MIPEP: variants seen among roughly 807,000 people sequenced by gnomAD.
MIPEP encodes mitochondrial intermediate peptidase.
A neutral mutation model predicts 90.3 loss-of-function variants in MIPEP; 79 were observed. The observed-to-expected ratio is 0.87, with a 90% CI of 0.73 to 1.05. MIPEP has a LOEUF of 1.05. Ranked by LOEUF, MIPEP falls within the 50% of genes least tolerant of loss-of-function variation. The pLI is 0.00. For synonymous variants in MIPEP, 334 were observed against 315.8 expected, an observed-to-expected ratio of 1.06 and a Z score of -0.61; for missense variants, 940 against 905.6, an observed-to-expected ratio of 1.04 and a Z score of -0.49.
intron 10 of MIPEP, among the ~76,000 whole-genome samples, chr13:23,856,485 A>G (rs781384428): frequency 5.3e-5 from 8 of 152,118 alleles, no homozygotes; most frequent in Non-Finnish European, 1.0e-4. Flanking sequence ...ATTTATACCC[A>G]CTGTTATTTA....
chr13:23,802,654 T>C (rs1565998859), intron 16 of MIPEP, among the ~76,000 whole-genome samples: 3 of 149,892 alleles, frequency 2.0e-5, no homozygotes, highest in African/African-American at 7.6e-5. Flanking sequence ...TTATGTTTAA[T>C]GGCTTTCCAT....
intron 10 of MIPEP, among the ~76,000 whole-genome samples, chr13:23,856,829 ATCACT>A (rs1170884610): frequency 6.6e-6 from 1 of 152,136 alleles, no homozygotes; most frequent in Non-Finnish European, 1.5e-5. Context: ...TGAAAAAACT[ATCACT>A]TATATTTAAG....
chr13:23,864,679 T>C (rs1711978092), intron 7 of MIPEP, among the ~76,000 whole-genome samples: 1 of 134,232 alleles, frequency 7.4e-6, no homozygotes, highest in African/African-American at 2.8e-5. Context: ...GAGACTATAG[T>C]GAGCCCAGAC....
intron 16 of MIPEP, among the ~76,000 whole-genome samples, chr13:23,794,088 G>A (rs1033038819): frequency 6.6e-6 from 1 of 152,186 alleles, no homozygotes; most frequent in Non-Finnish European, 1.5e-5. Context: ...GGAAGACTGT[G>A]AGTCCAGTCT....
intron 4 of MIPEP, among the ~76,000 whole-genome samples, chr13:23,876,376 T>C (rs1312259167): frequency 2.0e-5 from 3 of 152,150 alleles, no homozygotes; most frequent in Non-Finnish European, 4.4e-5. Context: ...TTATTTCCGT[T>C]TTACAAAGGA....
chr13:23,766,771 C>T (rs937785977), intron 16 of MIPEP, among the ~76,000 whole-genome samples: 2 of 152,244 alleles, frequency 1.3e-5, no homozygotes, highest in Admixed American at 6.5e-5. Context: ...GACACACTCT[C>T]AGGAGGCCCC....
chr13:23,860,543 G>A lies in MIPEP; in HGVS notation c.1054-1631C>T, dbSNP rs530865316. On this transcript the variant is annotated intron_variant, in intron 9 of 18. Coordinates refer to ENST00000382172, the MANE Select transcript of MIPEP (RefSeq NM_005932.4). ...AAGGAGGCAAGGGCCAAATCATGAGGGCTTGGCGGGAGCAGCAGGGTAGTA... is the reference window on the plus strand; with the variant it reads ...AAGGAGGCAAGGGCCAAATCATGAGAGCTTGGCGGGAGCAGCAGGGTAGTA... 8.0e-4 allele frequency among the ~76,000 whole-genome samples: 122 copies of A among 152,298 alleles called. 2 individuals carry two copies. The South Asian group carries it at 0.022, about 28-fold the overall frequency.
At chr13:23,864,016 A>T (rs1446929407) in intron 8 of MIPEP, 125 bp downstream of exon 8, 1 of 559,078 alleles carries the variant, frequency 1.8e-6, no homozygotes, top group Non-Finnish European at 3.2e-6. Flanking sequence ...ATAGTGAGAC[A>T]GGTCTGGTCC....
At chr13:23,739,014 A>G (rs1373879303) in intron 18 of MIPEP, among the ~76,000 whole-genome samples, 1 of 152,224 alleles carries the variant, frequency 6.6e-6, no homozygotes, top group Non-Finnish European at 1.5e-5. Flanking sequence ...GTTTCTCTCA[A>G]CTGGCAACTA....
chr13:23,855,215 T>C (rs1045382060), intron 10 of MIPEP, among the ~76,000 whole-genome samples: 6 of 152,204 alleles, frequency 3.9e-5, no homozygotes, highest in African/African-American at 7.2e-5. Flanking sequence ...TACTCTTCCA[T>C]GAAGAATCTT....
chr13:23,783,176 TCC>T (rs1952799029), intron 16 of MIPEP, among the ~76,000 whole-genome samples: 1 of 152,092 alleles, frequency 6.6e-6, no homozygotes, highest in African/African-American at 2.4e-5. Flanking sequence ...TAGACCAATA[TCC>T]CTGATGAACA....
At chr13:23,803,160 C>T (rs184769017) in intron 16 of MIPEP, among the ~76,000 whole-genome samples, 99 of 152,080 alleles carry the variant, frequency 6.5e-4, no homozygotes, top group South Asian at 6.0e-3. Flanking sequence ...GTTGGGAGTT[C>T]GAGACCAGCC....
At chr13:23,828,389 A>G (rs138500703) in intron 14 of MIPEP, among the ~76,000 whole-genome samples, 3 of 152,376 alleles carry the variant, frequency 2.0e-5, no homozygotes, top group East Asian at 1.9e-4. Context: ...TAAAGCTGTC[A>G]TTATTTTTAG....
chr13:23,882,080 T>A (rs1871294538), intron 2 of MIPEP, among the ~76,000 whole-genome samples: 1 of 151,544 alleles, frequency 6.6e-6, no homozygotes, highest in Non-Finnish European at 1.5e-5. Flanking sequence ...TCTTTTTTTT[T>A]TTTTTTTGAG....
At chr13:23,739,616 G>A (rs934978872) in intron 18 of MIPEP, among the ~76,000 whole-genome samples, 1 of 152,162 alleles carries the variant, frequency 6.6e-6, no homozygotes, top group Non-Finnish European at 1.5e-5. Flanking sequence ...CAAAGTGGGC[G>A]ATTTTAGCAG....
intron 17 of MIPEP, among the ~76,000 whole-genome samples, chr13:23,757,325 T>G (rs1296322605): frequency 6.6e-6 from 1 of 152,100 alleles, no homozygotes; most frequent in African/African-American, 2.4e-5. Context: ...GGGGAGCGGC[T>G]GCAAATACAG....
At chr13:23,758,159 G>T (rs1045128960) in intron 17 of MIPEP, among the ~76,000 whole-genome samples, 2 of 152,166 alleles carry the variant, frequency 1.3e-5, no homozygotes, top group African/African-American at 4.8e-5. Context: ...GAGGGGCCCT[G>T]CCTGACTCCC....
chr13:23,881,214 T>C (rs1477787489), intron 3 of MIPEP, among the ~76,000 whole-genome samples: 1 of 152,200 alleles, frequency 6.6e-6, no homozygotes, highest in Admixed American at 6.5e-5. Context: ...AAGGACACTG[T>C]TTATAGAGCA....
Position 23,874,959 on chromosome 13 carries a change from C to CA in MIPEP, c.540-51dup, listed in dbSNP as rs377415953. ...TATAACAGGTAATAAAAATTGCTAA[C>CA]AAAAAAATTGTGGTTTTTTGTTAAA... is the stretch of plus-strand genomic sequence containing the variant. On this transcript the variant is annotated intron_variant, in intron 4 of 18. Transcript: ENST00000382172. 254 of 1,510,286 alleles carry CA rather than the reference C, an allele frequency of 1.7e-4. 1 individual carries two copies. In the Middle Eastern group the frequency reaches 2.7e-3, roughly 16 times the overall value. The allele number at this position is 1,510,286 out of a possible 1,614,324, so 93.6% of individuals were successfully genotyped here. A position where few individuals can be genotyped will look rare whatever the true frequency, so the allele number is the denominator to read the frequency against.
Sources: allele counts gnomAD v4.1 joint callset (sites outside exome capture counted in the v4.1 genomes callset), GRCh38; gene constraint gnomAD v4.1.1; transcripts MANE v1.5; gene names NCBI Gene and HGNC (gene_info 2026-07-23, HGNC 2026-07-21).